The following PPCDC variants were observed in gnomAD, a reference collection of about 807,000 sequenced individuals.
The protein encoded by PPCDC is phosphopantothenoylcysteine decarboxylase.
Under a neutral mutation model 20.7 loss-of-function variants are expected in PPCDC, and 20 were observed. The ratio of observed to expected loss-of-function variants is 0.97; its 90% CI spans 0.68 to 1.41. The LOEUF (loss-of-function observed/expected upper bound fraction) is 1.41. PPCDC is among the 40% of genes most tolerant of loss of function. The probability of loss-of-function intolerance (pLI) is 0.00; values close to 1 mark genes in which losing one functional copy is unlikely to be tolerated. For synonymous variants in PPCDC, 88 were observed against 100.3 expected (o/e 0.88, Z 0.73); for missense variants, 246 against 263.8 (o/e 0.93, Z 0.47).
At chr15:75,033,434 G>A (rs1218998832) in intron 2 of PPCDC, among the ~76,000 whole-genome samples, 1 of 152,232 alleles carries the variant, frequency 6.6e-6, no homozygotes, top group Non-Finnish European at 1.5e-5. Context: ...ACCAGTGGAG[G>A]AAGGGAAACT....
intron 2 of PPCDC, among the ~76,000 whole-genome samples, chr15:75,035,064 C>T (rs1413856201): frequency 2.0e-5 from 3 of 152,146 alleles, no homozygotes; most frequent in African/African-American, 7.2e-5. Flanking sequence ...TCTTCAGTCA[C>T]AGCAGTCACA....
Position 75,048,197 on chromosome 15 carries a change from T to C in PPCDC, c.361-356T>C, listed in dbSNP as rs950647777. Among the ~76,000 whole-genome samples the C allele has an allele frequency of 5.0e-4, 76 of 152,202 alleles. 1 individual carries two copies. Among genetic ancestry groups the C allele is most frequent in the Admixed American group, 4.5e-3 (68 of 15,278 alleles). The stretch of plus-strand genomic sequence containing the variant: ...GATGAGCCCCACCTGAGGAGCAGCC[T>C]GGTCCTTTGCTTTCTGGTGCAACCA... On this transcript the variant is annotated intron_variant, in intron 4 of 5. Coordinates refer to ENST00000342932, the MANE Select transcript of PPCDC (RefSeq NM_021823.5).
intron 2 of PPCDC, among the ~76,000 whole-genome samples, chr15:75,033,172 A>G (rs935148604): frequency 6.6e-6 from 1 of 152,254 alleles, no homozygotes; most frequent in Non-Finnish European, 1.5e-5. Context: ...AAAAAGTGAT[A>G]TGAAATTCAG....
chr15:75,044,232 T>A (rs997146314), intron 3 of PPCDC, among the ~76,000 whole-genome samples, 154 bp from the exon 4 acceptor site: 1 of 152,146 alleles, frequency 6.6e-6, no homozygotes, highest in Non-Finnish European at 1.5e-5. Flanking sequence ...GCTCCATGGC[T>A]AGCGCTCGCC....
chr15:75,040,153 G>A (rs1204216528), intron 2 of PPCDC, among the ~76,000 whole-genome samples: 1 of 152,056 alleles, frequency 6.6e-6, no homozygotes, highest in Non-Finnish European at 1.5e-5. Flanking sequence ...CATGATCTTG[G>A]CTCACTGCAG....
intron 5 of PPCDC, 38 bp from the exon 6 acceptor site, chr15:75,049,112 T>C (rs1458408407): frequency 1.9e-6 from 3 of 1,564,494 alleles, no homozygotes; most frequent in African/African-American, 1.4e-5. Context: ...CTACAGGCAC[T>C]GTTGGCCTGT....
intron 4 of PPCDC, among the ~76,000 whole-genome samples, chr15:75,047,704 G>C (rs1423067857): frequency 6.6e-6 from 1 of 152,250 alleles, no homozygotes; most frequent in Non-Finnish European, 1.5e-5. Flanking sequence ...CCTCACAGCT[G>C]CCCAGGGAGG....
chr15:75,025,699 C>G (rs1776065687), intron 1 of PPCDC, among the ~76,000 whole-genome samples: 2 of 152,180 alleles, frequency 1.3e-5, no homozygotes, highest in Admixed American at 1.3e-4. Context: ...CCTGTGAATT[C>G]AGCAGAGCCC....
intron 2 of PPCDC, 120 bp downstream of exon 2, chr15:75,028,573 T>C (rs1168892805): frequency 7.2e-7 from 1 of 1,396,164 alleles, no homozygotes; most frequent in Non-Finnish European, 9.9e-7. Context: ...TTAATCATGC[T>C]TGTGGAGGTC....
Position 75,023,619 on chromosome 15 carries a change from T to A in PPCDC, c.-80T>A, listed in dbSNP as rs1595893542. The A allele has an allele frequency of 6.6e-6, 1 of 152,324 alleles. No homozygotes were observed. Among genetic ancestry groups the A allele is most frequent in the African/African-American group, 2.4e-5 (1 of 41,552 alleles). 9.4% of individuals were successfully genotyped at this position (152,324 alleles called of 1,614,324 possible). A position where few individuals can be genotyped will look rare whatever the true frequency, so the allele number is the denominator to read the frequency against. ...TTTGGGAGCGGCCCCGAGACGCGCC[T>A]GGCGCGGGTGAGCAGTGGAAGGGGG... On this transcript the variant is annotated 5_prime_UTR_variant, in exon 1 of 6. Coordinates refer to ENST00000342932, the MANE Select transcript of PPCDC (RefSeq NM_021823.5).
intron 2 of PPCDC, among the ~76,000 whole-genome samples, chr15:75,038,254 A>G (rs1180821020): frequency 1.3e-5 from 2 of 152,074 alleles, no homozygotes; most frequent in Non-Finnish European, 2.9e-5. Context: ...CTGCTGCCAC[A>G]CCCACGCCCG....
At chr15:75,033,958 G>A (rs186101361) in intron 2 of PPCDC, among the ~76,000 whole-genome samples, 2 of 152,262 alleles carry the variant, frequency 1.3e-5, no homozygotes, top group East Asian at 1.9e-4. Context: ...TTGGCATGAG[G>A]AGCTGACACA....
chr15:75,043,177 T>A lies in PPCDC; in HGVS notation c.136-264T>A, dbSNP rs373564529. On this transcript the variant is annotated intron_variant, in intron 2 of 5. Transcript: ENST00000342932. ...CGAGTGGCAGGAGCTTGCAGCTTTG[T>A]ATATACGGGCAGTTGGTGACTCATT... 8.4e-5 allele frequency: 32 copies of A among 382,672 alleles called. No individual in the cohort carries two copies. In the East Asian group the frequency reaches 1.4e-3, roughly 17 times the overall value. 23.7% of individuals were successfully genotyped at this position (382,672 alleles called of 1,614,324 possible). A position where few individuals can be genotyped will look rare whatever the true frequency, so the allele number is the denominator to read the frequency against.
At chr15:75,024,663 T>G (rs1440045235) in intron 1 of PPCDC, among the ~76,000 whole-genome samples, 1 of 150,946 alleles carries the variant, frequency 6.6e-6, no homozygotes, top group Non-Finnish European at 1.5e-5. Context: ...TCCTGTATAC[T>G]CTTTTTTCTT....
rs1348338067 is a variant in PPCDC at position 75,049,973 on chromosome 15, C to T, written c.*738C>T. 6.6e-6 allele frequency: 1 copy of T among 152,208 alleles called. No individual in the cohort carries two copies. The highest frequency in any genetic ancestry group is 1.5e-5 in the Non-Finnish European group (1 of 68,034). The allele number at this position is 152,208 out of a possible 1,614,324, so 9.4% of individuals were successfully genotyped here. ...TTCAGGACTTAGCCTTCCTGACCTT[C>T]ACTTACCTCAGCTATCTTGTTATCC... On this transcript the variant is annotated 3_prime_UTR_variant, in exon 6 of 6. Transcript: ENST00000342932.
At chr15:75,028,537 A>T in intron 2 of PPCDC, 84 bp downstream of exon 2, 1 of 1,553,376 alleles carries the variant, frequency 6.4e-7, no homozygotes, top group Admixed American at 1.8e-5. Context: ...TCTGCAGTAC[A>T]TGCAATTTTC....
chr15:75,028,196 C>T, intron 1 of PPCDC, 51 bp from the exon 2 acceptor site: 2 of 1,335,072 alleles, frequency 1.5e-6, no homozygotes, highest in Admixed American at 2.7e-5. Context: ...GTGCTCCATA[C>T]ATTCTGGTCG....
intron 2 of PPCDC, among the ~76,000 whole-genome samples, chr15:75,029,112 G>T (rs947466314): frequency 6.6e-6 from 1 of 152,092 alleles, no homozygotes; most frequent in East Asian, 1.9e-4. Flanking sequence ...ACAGGGAGTG[G>T]CCCCACTTCC....
chr15:75,050,665 C>T lies in PPCDC; in HGVS notation c.*1430C>T, dbSNP rs2066304083. On this transcript the variant is annotated 3_prime_UTR_variant, in exon 6 of 6. Transcript: ENST00000342932. ...TTTATCTCAACAGCACTTGACTTCA[C>T]CAGGTGACCCTTTGGGATAAAATTG... 1.3e-5 allele frequency: 2 copies of T among 152,210 alleles called. No homozygotes were observed. Among genetic ancestry groups the T allele is most frequent in the South Asian group, 2.1e-4 (1 of 4,830 alleles). 9.4% of individuals were successfully genotyped at this position (152,210 alleles called of 1,614,324 possible).
Sources: allele counts gnomAD v4.1 joint callset (sites outside exome capture counted in the v4.1 genomes callset), GRCh38; gene constraint gnomAD v4.1.1; transcripts MANE v1.5; gene names NCBI Gene and HGNC (gene_info 2026-07-23, HGNC 2026-07-21).